KIF16B: variants seen among roughly 807,000 people sequenced by gnomAD.
KIF16B encodes kinesin-like protein KIF16B.
A neutral mutation model predicts 156.3 loss-of-function variants in KIF16B; 98 were observed. The ratio of observed to expected loss-of-function variants is 0.63; its 90% confidence interval spans 0.53 to 0.74. The LOEUF (loss-of-function observed/expected upper bound fraction) is 0.74. Among genes scored for constraint, KIF16B ranks in the 30% least tolerant of loss-of-function variants. The probability of loss-of-function intolerance (pLI) is 0.00; values close to 1 mark genes in which losing one functional copy is unlikely to be tolerated. For synonymous variants in KIF16B, 564 were observed against 583.7 expected (o/e 0.97, Z 0.49); for missense variants, 1,421 against 1,606.5 (o/e 0.88, Z 1.97).
intron 12 of KIF16B, among the ~76,000 whole-genome samples, chr20:16,447,277 A>G (rs2066959525): frequency 6.6e-6 from 1 of 152,038 alleles, no homozygotes; most frequent in Non-Finnish European, 1.5e-5. Context: ...CAGCTAAGTA[A>G]TAAATCAGAC....
chr20:16,406,468 C>G lies in KIF16B; in HGVS notation c.1613-12G>C, dbSNP rs762495240. The stretch of plus-strand genomic sequence containing the variant: ...GAGAATCACAGCACCTGAAAACACA[C>G]AAAAACAGTAATGAATTTACAGTAA... On this transcript the variant is annotated splice_polypyrimidine_tract_variant and intron_variant, in intron 15 of 25. Coordinates refer to ENST00000354981, the MANE Select transcript of KIF16B (RefSeq NM_024704.5). 10 of 1,612,248 alleles carry G rather than the reference C, an allele frequency of 6.2e-6. No individual in the cohort carries two copies. The South Asian group carries it at 1.1e-4, about 18-fold the overall frequency.
At chr20:16,539,003 G>A (rs1293483986) in intron 1 of KIF16B, among the ~76,000 whole-genome samples, 1 of 151,898 alleles carries the variant, frequency 6.6e-6, no homozygotes, top group Non-Finnish European at 1.5e-5. Context: ...GAGGCCTCCT[G>A]AGAAGCAGAT....
chr20:16,555,612 A>G (rs892133244), intron 1 of KIF16B, among the ~76,000 whole-genome samples: 4 of 152,242 alleles, frequency 2.6e-5, no homozygotes, highest in African/African-American at 9.6e-5. Flanking sequence ...TAAACAAATA[A>G]AAACAAAGCA....
At position 16,544,463 on chromosome 20, in the gene KIF16B, A is replaced by G. The variant is rs143355619; in HGVS notation, c.48-16023T>C. Among the ~76,000 whole-genome samples, 725 of 152,056 alleles carry G rather than the reference A, an allele frequency of 4.8e-3. 21 individuals are homozygous for G. Among genetic ancestry groups the G allele is most frequent in the Admixed American group, 0.044 (679 of 15,266 alleles). ...CGTCTCTACTAAAAATACAAAAATT[A>G]GCCAGGTGTGGCAGGTGTCTATAAT... On this transcript the variant is annotated intron_variant, in intron 1 of 25. Transcript: ENST00000354981.
intron 25 of KIF16B, among the ~76,000 whole-genome samples, chr20:16,300,800 G>T (rs2063460830): frequency 6.6e-6 from 1 of 152,082 alleles, no homozygotes; most frequent in Non-Finnish European, 1.5e-5. Flanking sequence ...CACCAGAGTG[G>T]CATATTTGTT....
chr20:16,525,943 A>G, intron 3 of KIF16B, 149 bp downstream of exon 3: 1 of 502,502 alleles, frequency 2.0e-6, no homozygotes, highest in South Asian at 3.5e-5. Flanking sequence ...CCTACATAAC[A>G]CTCAGAAAGG....
intron 25 of KIF16B, among the ~76,000 whole-genome samples, chr20:16,285,956 T>G (rs2063216541): frequency 6.6e-6 from 1 of 152,232 alleles, no homozygotes; most frequent in Non-Finnish European, 1.5e-5. Context: ...CAACTTACAC[T>G]AAAGACCTCT....
chr20:16,563,154 T>C (rs974545660), intron 1 of KIF16B, among the ~76,000 whole-genome samples: 2 of 152,144 alleles, frequency 1.3e-5, no homozygotes, highest in African/African-American at 2.4e-5. Context: ...ATGAATACAT[T>C]TGGAAATGGA....
intron 1 of KIF16B, among the ~76,000 whole-genome samples, chr20:16,545,304 G>A (rs2070363171): frequency 6.6e-6 from 1 of 152,044 alleles, no homozygotes; most frequent in South Asian, 2.1e-4. Context: ...GCTGAGACAG[G>A]CAGATCACTT....
chr20:16,461,716 A>T (rs1007317145), intron 12 of KIF16B, among the ~76,000 whole-genome samples: 6 of 152,334 alleles, frequency 3.9e-5, no homozygotes, highest in African/African-American at 1.4e-4. Context: ...AATTTTAGTG[A>T]CCTAGGTTAT....
chr20:16,493,862 G>C (rs1380957912), intron 12 of KIF16B, among the ~76,000 whole-genome samples: 1 of 152,146 alleles, frequency 6.6e-6, no homozygotes, highest in African/African-American at 2.4e-5. Flanking sequence ...TGAAATTTCT[G>C]AAATCTAGCC....
intron 12 of KIF16B, among the ~76,000 whole-genome samples, chr20:16,434,224 C>T (rs932753518): frequency 1.1e-4 from 17 of 152,202 alleles, no homozygotes; most frequent in Middle Eastern, 3.2e-3. Context: ...AACACATGCC[C>T]TTTGCTGGGA....
chr20:16,543,510 T>C (rs1233348121), intron 1 of KIF16B, among the ~76,000 whole-genome samples: 1 of 152,204 alleles, frequency 6.6e-6, no homozygotes, highest in Non-Finnish European at 1.5e-5. Context: ...ACATAACAGA[T>C]GCCTTACTCA....
chr20:16,532,630 ACCAAAC>A (rs1379261709), intron 1 of KIF16B, among the ~76,000 whole-genome samples: 1 of 152,234 alleles, frequency 6.6e-6, no homozygotes, highest in Non-Finnish European at 1.5e-5. Context: ...ATCACAGAAC[ACCAAAC>A]CCAGATTCCT....
chr20:16,418,084 A>T (rs1286224626), intron 15 of KIF16B, among the ~76,000 whole-genome samples: 1 of 152,166 alleles, frequency 6.6e-6, no homozygotes, highest in Non-Finnish European at 1.5e-5. Flanking sequence ...ATGCCAAGGC[A>T]TATTGTAAAG....
chr20:16,319,478 C>A (rs1408479173), intron 24 of KIF16B, among the ~76,000 whole-genome samples: 1 of 152,152 alleles, frequency 6.6e-6, no homozygotes, highest in East Asian at 1.9e-4. Context: ...AAATGAAGAT[C>A]AACAACTCTT....
At position 16,379,066 on chromosome 20, in the gene KIF16B, A is replaced by G. The variant is rs145948145; in HGVS notation, c.2936T>C (p.Ile979Thr). ...CCTCACTTTTTCCTCCTGACGTGCA[A>G]TGTTGGCAGTGAATTCAAAGGTGGC... is the stretch of plus-strand genomic sequence containing the variant. ...LQATFEFTAN[I>T]ARQEEKVRKK... Residue 979 changes from isoleucine (I) to threonine (T), a missense_variant, in exon 19 of 26, where the codon ATT (isoleucine) becomes ACT (threonine). Physicochemically the swap from Ile to Thr is moderately conservative, Grantham distance 89. Coordinates refer to ENST00000354981, the MANE Select transcript of KIF16B (RefSeq NM_024704.5). The G allele has an allele frequency of 2.5e-6, 4 of 1,611,726 alleles. No homozygotes were observed. The African/African-American group carries it at 5.4e-5, about 22-fold the overall frequency.
At chr20:16,566,536 A>G (rs542479741) in intron 1 of KIF16B, among the ~76,000 whole-genome samples, 1 of 152,318 alleles carries the variant, frequency 6.6e-6, no homozygotes, top group Admixed American at 6.5e-5. Context: ...TATTTACAGA[A>G]CGCTTACTTT....
At chr20:16,278,165 G>C (rs1009524940) in intron 25 of KIF16B, among the ~76,000 whole-genome samples, 1 of 152,188 alleles carries the variant, frequency 6.6e-6, no homozygotes, top group Non-Finnish European at 1.5e-5. Flanking sequence ...TCATGGGAAA[G>C]AGAAGAGGCC....
Sources: gnomAD v4.1 joint callset for allele counts (sites outside exome capture counted in the v4.1 genomes callset) on GRCh38, gnomAD v4.1.1 for gene constraint, MANE v1.5 for transcripts, NCBI Gene and HGNC (gene_info 2026-07-23, HGNC 2026-07-21) for gene names.